Variants in ZNF215 observed in about 807,000 individuals in gnomAD.
ZNF215 encodes the protein zinc finger protein 215.
Under a neutral mutation model 27.2 loss-of-function variants are expected in ZNF215, and 24 were observed. That is an observed-to-expected ratio of 0.88 (90% CI 0.64 to 1.24). The LOEUF (loss-of-function observed/expected upper bound fraction) is 1.24, where lower values mean the gene tolerates loss of function less well. Ranked by LOEUF, ZNF215 falls within the 50% of genes most tolerant of loss-of-function variation. The pLI is 0.00. For missense variants in ZNF215, 675 were observed against 605.7 expected, an observed-to-expected ratio of 1.11 and a Z score of -1.20; for synonymous variants, 210 against 204.0, an observed-to-expected ratio of 1.03 and a Z score of -0.25.
chr11:6,956,787 A>T lies in ZNF215; in HGVS notation c.*256A>T. The stretch of plus-strand genomic sequence containing the variant: ...AGTATCACCATACAAGTATTTGTTT[A>T]TCATTATTTTGATATCCATTACCCT... On this transcript the variant is annotated 3_prime_UTR_variant, in exon 7 of 7. Coordinates refer to ENST00000278319, the MANE Select transcript of ZNF215 (RefSeq NM_013250.4). 8.1e-7 allele frequency: 1 copy of T among 1,234,594 alleles called. No homozygotes were observed. The highest frequency in any genetic ancestry group is 1.0e-6 in the Non-Finnish European group (1 of 988,474). The allele number at this position is 1,234,594 out of a possible 1,614,324, so 76.5% of individuals were successfully genotyped here.
chr11:6,985,686 A>G (rs537347654), downstream of ZNF215, among the ~76,000 whole-genome samples: 10 of 152,346 alleles, frequency 6.6e-5, no homozygotes, highest in South Asian at 2.1e-3. Flanking sequence ...ATTTCAGGAA[A>G]GTTTCAGGAT....
chr11:6,991,820 T>A (rs1482646586), downstream of ZNF215, among the ~76,000 whole-genome samples: 1 of 152,204 alleles, frequency 6.6e-6, no homozygotes, highest in Non-Finnish European at 1.5e-5. Flanking sequence ...CAATATAATC[T>A]CTTACATTGA....
intron 5 of ZNF215, among the ~76,000 whole-genome samples, chr11:6,973,396 C>A (rs1488625832): frequency 1.3e-5 from 2 of 152,108 alleles, no homozygotes; most frequent in South Asian, 2.1e-4. Flanking sequence ...ATTTATAATC[C>A]TTTGGGTATA....
At chr11:6,984,716 G>C (rs978500915), downstream of ZNF215, 6 of 152,092 alleles carry the variant, frequency 3.9e-5, no homozygotes, top group African/African-American at 1.4e-4. Context: ...TGAAAACTAA[G>C]ATATAAATTG....
chr11:6,961,228 C>T (rs1850511367), downstream of ZNF215, among the ~76,000 whole-genome samples: 7 of 152,168 alleles, frequency 4.6e-5, 1 homozygote, highest in South Asian at 1.5e-3. Context: ...ACAGGTATTT[C>T]CTTCTGTAGG....
In ZNF215 at chr11:6,943,543, C is replaced by T. The variant is rs781529604; in HGVS notation, c.617-3C>T. 6.2e-7 allele frequency: 1 copy of T among 1,611,618 alleles called. No individual in the cohort carries two copies. Among genetic ancestry groups the T allele is most frequent in the South Asian group, 1.1e-5 (1 of 90,908 alleles). Reference sequence around the variant, plus strand: ...TTGTTCTTTTTATTTTCTCCATGAACAGCACATCTACTTTCCAAACCATTT... The same window carrying T: ...TTGTTCTTTTTATTTTCTCCATGAATAGCACATCTACTTTCCAAACCATTT... On this transcript the variant is annotated splice_region_variant and splice_polypyrimidine_tract_variant and intron_variant, in intron 5 of 6. Transcript: ENST00000278319.
At chr11:6,937,486 CTTTTTTTT>C (rs57676890) in intron 3 of ZNF215, among the ~76,000 whole-genome samples, 7 of 118,898 alleles carry the variant, frequency 5.9e-5, no homozygotes, top group Admixed American at 1.7e-4. Context: ...ATCTCAGCTG[CTTTTTTTT>C]TTTTTTTTTT....
At chr11:6,932,811 A>T in intron 3 of ZNF215, 139 bp downstream of exon 3, 1 of 770,480 alleles carries the variant, frequency 1.3e-6, no homozygotes, top group Non-Finnish European at 2.0e-6. Context: ...CCTTGACTTT[A>T]TTCTGTAGGT....
intron 5 of ZNF215, among the ~76,000 whole-genome samples, chr11:6,983,958 T>C (rs1254480938): frequency 1.3e-5 from 2 of 152,176 alleles, no homozygotes; most frequent in African/African-American, 2.4e-5. Flanking sequence ...TTAACACCAA[T>C]ACAGTATTTT....
intron 3 of ZNF215, among the ~76,000 whole-genome samples, chr11:6,933,083 A>T (rs955760839): frequency 2.6e-5 from 4 of 152,226 alleles, no homozygotes; most frequent in African/African-American, 9.6e-5. Flanking sequence ...AATATTTGTT[A>T]TCTGCCCCTT....
intron 6 of ZNF215, among the ~76,000 whole-genome samples, chr11:6,946,706 C>T (rs941455672): frequency 1.3e-5 from 2 of 152,120 alleles, no homozygotes; most frequent in Admixed American, 6.6e-5. Flanking sequence ...CTTACTCTTC[C>T]TTTTAGCAGT....
chr11:6,940,834 G>A (rs942366796), intron 3 of ZNF215, among the ~76,000 whole-genome samples: 1 of 152,068 alleles, frequency 6.6e-6, no homozygotes, highest in African/African-American at 2.4e-5. Context: ...CATATTAGAA[G>A]ACATTTTAAC....
downstream of ZNF215, among the ~76,000 whole-genome samples, chr11:6,992,587 A>T (rs1851127464): frequency 6.6e-6 from 1 of 152,264 alleles, no homozygotes; most frequent in Non-Finnish European, 1.5e-5. Flanking sequence ...CAGGACTGAC[A>T]GATCGTGCTG....
intron 5 of ZNF215, among the ~76,000 whole-genome samples, chr11:6,972,961 G>A (rs1376482193): frequency 1.3e-5 from 2 of 151,926 alleles, no homozygotes; most frequent in Non-Finnish European, 2.9e-5. Context: ...AAACGTGCAG[G>A]TTTGTTACAT....
chr11:6,981,853 T>C (rs1850959800), intron 5 of ZNF215, among the ~76,000 whole-genome samples: 1 of 151,988 alleles, frequency 6.6e-6, no homozygotes, highest in African/African-American at 2.4e-5. Context: ...CAGCACCATT[T>C]ATTAAATGGG....
At chr11:6,955,038 C>T (rs190025269) in intron 6 of ZNF215, among the ~76,000 whole-genome samples, 102 of 152,120 alleles carry the variant, frequency 6.7e-4, no homozygotes, top group African/African-American at 1.9e-3. Context: ...TTAATTAGAA[C>T]GGTAAAGTTT....
At chr11:6,938,458 A>G (rs894366112) in intron 3 of ZNF215, among the ~76,000 whole-genome samples, 2 of 152,058 alleles carry the variant, frequency 1.3e-5, no homozygotes, top group Admixed American at 1.3e-4. Context: ...ATTACCATAT[A>G]CCCCAGAAAA....
Position 6,975,863 on chromosome 11 carries a change from C to A in ZNF215, c.806-8266C>A, listed in dbSNP as rs535604764. On this transcript the variant is annotated intron_variant, in intron 5 of 5. Coordinates refer to the ZNF215 transcript ENST00000529903. ...TGATTTCCTTCTTTTGGATACATAT[C>A]CAACAGTAGGATTGCTGGATCAGAT... Among the ~76,000 whole-genome samples, 5 of 152,200 alleles carry A rather than the reference C, an allele frequency of 3.3e-5. No individual in the cohort carries two copies. The South Asian group carries it at 8.3e-4, about 25-fold the overall frequency.
chr11:6,949,662 T>C (rs1849971753), intron 6 of ZNF215, among the ~76,000 whole-genome samples: 1 of 152,192 alleles, frequency 6.6e-6, no homozygotes, highest in Non-Finnish European at 1.5e-5. Context: ...GTTGCGAAAA[T>C]TTTCTCCCAT....
Sources: gnomAD v4.1 joint callset for allele counts (sites outside exome capture counted in the v4.1 genomes callset) on GRCh38, gnomAD v4.1.1 for gene constraint, MANE v1.5 for transcripts, NCBI Gene and HGNC (gene_info 2026-07-23, HGNC 2026-07-21) for gene names.